The following PDC variants were observed in gnomAD, a reference collection of about 807,000 sequenced individuals.
PDC encodes phosducin.
Under a neutral mutation model 22.2 loss-of-function variants are expected in PDC, and 19 were observed. The ratio of observed to expected loss-of-function variants is 0.86; its 90% CI spans 0.60 to 1.26. The LOEUF is 1.26. Among genes scored for constraint, PDC ranks in the 50% most tolerant of loss-of-function variants. The pLI, the probability that PDC is intolerant of heterozygous loss-of-function variation, is 0.00. For synonymous variants in PDC, 97 were observed against 96.2 expected (o/e 1.01, Z -0.05); for missense variants, 274 against 286.8 (o/e 0.96, Z 0.32).
Position 186,446,296 on chromosome 1 carries a change from AT to A in PDC, c.213+129del, listed in dbSNP as rs549135407. 2,363 of 576,136 alleles carry A rather than the reference AT, an allele frequency of 4.1e-3. 3 individuals carry two copies. The highest frequency in any genetic ancestry group is 8.6e-3 in the South Asian group (225 of 26,262). The allele number at this position is 576,136 out of a possible 1,614,324, so 35.7% of individuals were successfully genotyped here. ...CACAATAGGTGTTCACTTCATTTCC[AT>A]TTTTTTTTGCCAGCGTAAGCAATAT... On this transcript the variant is annotated intron_variant, in intron 3 of 3. Transcript: ENST00000391997.
chr1:186,444,242 C>T lies in PDC; in HGVS notation c.478G>A (p.Ala160Thr). 2 of 1,614,086 alleles carry T rather than the reference C, an allele frequency of 1.2e-6. No homozygotes were observed. Among genetic ancestry groups the T allele is most frequent in the Non-Finnish European group, 1.7e-6 (2 of 1,179,976 alleles). ...CAAAACTTAACTATAGGGTATTCTG[C>T]TGCAAGGCATGTTAAACTACTGTTT... ...ALNSSLTCLA[A>T]EYPIVKFCKI... Residue 160 changes from alanine (A) to threonine (T), a missense_variant, in exon 4 of 4, where the codon GCA (alanine) becomes ACA (threonine). By Grantham distance (58) the Ala-to-Thr change is moderately conservative. Transcript: ENST00000391997.
chr1:186,446,828 A>G (rs958723877), intron 2 of PDC, among the ~76,000 whole-genome samples: 1 of 152,186 alleles, frequency 6.6e-6, no homozygotes, highest in East Asian at 1.9e-4. Flanking sequence ...TAAATTATGC[A>G]CTTTGAACTA....
chr1:186,455,757 C>T (rs1350049926), intron 1 of PDC, among the ~76,000 whole-genome samples: 5 of 133,940 alleles, frequency 3.7e-5, no homozygotes, highest in South Asian at 2.4e-4. Flanking sequence ...GTCAGGAGAT[C>T]GAGACCGTCC....
chr1:186,448,669 C>A, intron 2 of PDC: 1 of 963,682 alleles, frequency 1.0e-6, no homozygotes, highest in Non-Finnish European at 1.2e-6. Flanking sequence ...TTGTTTTTGT[C>A]ATAATTAGGA....
intron 2 of PDC, 126 bp downstream of exon 2, chr1:186,449,273 G>T: frequency 2.2e-6 from 1 of 450,186 alleles, no homozygotes; most frequent in Non-Finnish European, 3.8e-6. Flanking sequence ...ATATTTTTTA[G>T]ATTAGCATAA....
At chr1:186,453,569 A>C (rs1662395279) in intron 1 of PDC, among the ~76,000 whole-genome samples, 1 of 152,212 alleles carries the variant, frequency 6.6e-6, no homozygotes, top group African/African-American at 2.4e-5. Context: ...TCACTGTATG[A>C]TATAGACTGA....
At chr1:186,448,654 T>A in intron 2 of PDC, 2 of 938,144 alleles carry the variant, frequency 2.1e-6, no homozygotes, top group Non-Finnish European at 2.5e-6. Context: ...TTTTTGTTGT[T>A]GTTTTTGTTT....
At chr1:186,446,627 C>T (rs1662234203) in intron 2 of PDC, 50 bp from the exon 3 acceptor site, 3 of 1,128,560 alleles carry the variant, frequency 2.7e-6, no homozygotes, top group Non-Finnish European at 3.8e-6. Context: ...TTCAAAAGGA[C>T]TGTTGGCATA....
intron 1 of PDC, among the ~76,000 whole-genome samples, chr1:186,459,147 A>G (rs1367310621): frequency 6.6e-6 from 1 of 152,128 alleles, no homozygotes; most frequent in Non-Finnish European, 1.5e-5. Context: ...GGGGGACAGA[A>G]TGAGACTCCA....
Position 186,446,366 on chromosome 1 carries a change from T to C in PDC, c.213+60A>G, listed in dbSNP as rs1662227471. The C allele has an allele frequency of 1.2e-5, 15 of 1,256,658 alleles. No homozygotes were observed. In the South Asian group the frequency reaches 2.3e-4, roughly 20 times the overall value. 77.8% of individuals were successfully genotyped at this position (1,256,658 alleles called of 1,614,324 possible). On this transcript the variant is annotated intron_variant, in intron 3 of 3. Transcript: ENST00000391997. ...TAATAGTCTAAAGTGATTCTCTAGATTGATTTAGATTAGAAAACACATTGT... is the reference window on the plus strand; with the variant it reads ...TAATAGTCTAAAGTGATTCTCTAGACTGATTTAGATTAGAAAACACATTGT...
At chr1:186,454,645 A>G (rs1365754009) in intron 1 of PDC, among the ~76,000 whole-genome samples, 5 of 152,224 alleles carry the variant, frequency 3.3e-5, no homozygotes, top group Admixed American at 2.0e-4. Flanking sequence ...GTATGCATCA[A>G]TTATACATAA....
At chr1:186,446,387 A>T (rs573148596) in intron 3 of PDC, 39 bp downstream of exon 3, 4 of 1,442,016 alleles carry the variant, frequency 2.8e-6, no homozygotes, top group Non-Finnish European at 2.9e-6. Context: ...TAGAAAACAC[A>T]TTGTAAATTA....
intron 1 of PDC, among the ~76,000 whole-genome samples, chr1:186,450,596 A>G (rs1306461107): frequency 6.6e-6 from 1 of 151,956 alleles, no homozygotes; most frequent in African/African-American, 2.4e-5. Context: ...GCCTCTCAAA[A>G]TGCTGGGATT....
Position 186,449,476 on chromosome 1 carries a change from G to C in PDC, c.-17C>G. On this transcript the variant is annotated 5_prime_UTR_variant, in exon 2 of 4. It adds an upstream start codon to the 5' untranslated region. Transcript: ENST00000391997. ...TTCTTCCATTTTAGGGACTGGATTT[G>C]ATATAATCTATAGGAGGAACAAAGA... The C allele has an allele frequency of 6.5e-7, 1 of 1,528,406 alleles. No homozygotes were observed. Among genetic ancestry groups the C allele is most frequent in the Non-Finnish European group, 9.0e-7 (1 of 1,106,246 alleles). 94.7% of individuals were successfully genotyped at this position (1,528,406 alleles called of 1,614,324 possible).
At chr1:186,446,632 G>T in intron 2 of PDC, 55 bp from the exon 3 acceptor site, 1 of 1,067,160 alleles carries the variant, frequency 9.4e-7, no homozygotes, top group East Asian at 2.5e-5. Context: ...AAGGACTGTT[G>T]GCATAATTGA....
intron 2 of PDC, 78 bp downstream of exon 2, chr1:186,449,321 A>G (rs972835498): frequency 6.5e-6 from 5 of 765,214 alleles, no homozygotes; most frequent in South Asian, 3.8e-5. Flanking sequence ...TACATACTGA[A>G]TAGTGTCAAT....
rs149593460 is a variant in PDC at position 186,460,256 on chromosome 1, G to T, written c.-25+803C>A. Among the ~76,000 whole-genome samples the T allele has an allele frequency of 5.9e-4, 90 of 152,248 alleles. No homozygotes were observed. The East Asian group carries it at 0.014, about 24-fold the overall frequency. ...GAAAAATTCCAGAGATAAACAATTT[G>T]CAAGTTTTAGATTTGCAGTGTACTG... On this transcript the variant is annotated intron_variant, in intron 1 of 3. Coordinates refer to ENST00000391997, the MANE Select transcript of PDC (RefSeq NM_002597.5).
intron 1 of PDC, among the ~76,000 whole-genome samples, chr1:186,458,226 CTTTTTTTTTTTTTTT>C (rs1157926478): frequency 1.1e-5 from 1 of 88,396 alleles, no homozygotes; most frequent in East Asian, 3.5e-4. Context: ...TACAGATATT[CTTTTTTTTTTTTTTT>C]TTTTTTTTTT....
chr1:186,444,100 T>C lies in PDC; in HGVS notation c.620A>G (p.Gln207Arg), dbSNP rs769544303. The change falls in exon 4 of 4, where the codon CAG (glutamine) becomes CGG (arginine). Residue 207 changes from glutamine to arginine, a missense_variant. Coordinates refer to ENST00000391997, the MANE Select transcript of PDC (RefSeq NM_002597.5). ...CCCAGCAAAAAATTCTTCAGCAAAC[T>C]GTTCAGCAACACTAATAAAATTGCT... ...LISNFISVAE[Q>R]FAEEFFAGDV... 5 of 1,613,936 alleles carry C rather than the reference T, an allele frequency of 3.1e-6. No individual in the cohort carries two copies. In the South Asian group the frequency reaches 5.5e-5, roughly 18 times the overall value.
Sources: allele counts gnomAD v4.1 joint callset (sites outside exome capture counted in the v4.1 genomes callset), GRCh38; gene constraint gnomAD v4.1.1; transcripts MANE v1.5; gene names NCBI Gene and HGNC (gene_info 2026-07-23, HGNC 2026-07-21).